COL11A2: variants seen among roughly 807,000 people sequenced by gnomAD.
COL11A2 encodes collagen type XI alpha 2 chain, also known as collagen alpha-2(XI) chain.
Under a neutral mutation model 273.4 loss-of-function variants are expected in COL11A2, and 116 were observed. The ratio of observed to expected loss-of-function variants is 0.42; its 90% CI spans 0.36 to 0.49. The LOEUF (loss-of-function observed/expected upper bound fraction) is 0.49. Among genes scored for constraint, COL11A2 ranks in the 20% least tolerant of loss-of-function variants. The pLI, the probability that COL11A2 is intolerant of heterozygous loss-of-function variation, is 0.00. For missense variants in COL11A2, 1,866 were observed against 2,309.0 expected (o/e 0.81, Z 3.93); for synonymous variants, 782 against 864.2 (o/e 0.90, Z 1.67).
rs768552985 is a variant in COL11A2 at position 33,180,933 on chromosome 6, A to C, written c.1221+31T>G. 1.9e-6 allele frequency: 3 copies of C among 1,613,686 alleles called. No homozygotes were observed. The South Asian group carries it at 3.3e-5, about 18-fold the overall frequency. Reference sequence around the variant, plus strand: ...GCACATAGAAGGGGTTTCTAAGAAAAGAATGGCCACCAGGTCACTGCTAGA... The same window carrying C: ...GCACATAGAAGGGGTTTCTAAGAAACGAATGGCCACCAGGTCACTGCTAGA... On this transcript the variant is annotated intron_variant, in intron 10 of 65. Transcript: ENST00000341947.
chr6:33,186,430 G>A, intron 5 of COL11A2, 197 bp downstream of exon 5: 1 of 1,440,310 alleles, frequency 6.9e-7, no homozygotes, highest in South Asian at 1.5e-5. Context: ...AGGGAACACA[G>A]CTCCCAGCCA....
At position 33,173,481 on chromosome 6, in the gene COL11A2, C is replaced by G; in HGVS notation, c.2682+21G>C. ...AAGGACTCAGAGAAGCGAGGTGGGT[C>G]AGAGCTCGGGGTCAACTTACCGGGG... On this transcript the variant is annotated intron_variant, in intron 36 of 65. Transcript: ENST00000341947. This position sits in a 1 kb window ranked among gnomAD's most constrained non-coding sequence, Gnocchi z 6.3. The G allele has an allele frequency of 6.2e-7, 1 of 1,611,964 alleles. No homozygotes were observed. The highest frequency in any genetic ancestry group is 8.5e-7 in the Non-Finnish European group (1 of 1,179,494).
chr6:33,186,868 G>C (rs759814138), intron 4 of COL11A2, 50 bp from the exon 5 acceptor site: 10 of 1,610,908 alleles, frequency 6.2e-6, no homozygotes, highest in Non-Finnish European at 8.5e-6. Context: ...GAGAGGCAGA[G>C]GGTATCATCC....
In COL11A2 at chr6:33,168,508, A is replaced by G; in HGVS notation, c.3960+11T>C. Reference sequence around the variant, plus strand: ...CTGCCTCCCAAGGTCTCAGGGGTCCACCTCACTTACTCGCTTTCCAAGTGG... The same window carrying G: ...CTGCCTCCCAAGGTCTCAGGGGTCCGCCTCACTTACTCGCTTTCCAAGTGG... On this transcript the variant is annotated intron_variant, in intron 54 of 65. Transcript: ENST00000341947. The G allele has an allele frequency of 6.2e-7, 1 of 1,613,186 alleles. No individual in the cohort carries two copies. Among genetic ancestry groups the G allele is most frequent in the Non-Finnish European group, 8.5e-7 (1 of 1,179,820 alleles).
At position 33,164,936 on chromosome 6, in the gene COL11A2, G is replaced by A; in HGVS notation, c.4779C>T (p.Gly1593=). 6.3e-7 allele frequency: 1 copy of A among 1,579,260 alleles called. No individual in the cohort carries two copies. Among genetic ancestry groups the A allele is most frequent in the African/African-American group, 1.3e-5 (1 of 74,390 alleles). The change falls in exon 64 of 66, where the codon GGC becomes GGT. Residue 1593 remains glycine, a synonymous_variant. Coordinates refer to ENST00000341947, the MANE Select transcript of COL11A2 (RefSeq NM_080680.3). The surrounding 1 kb of genome is among the most constrained non-coding windows in gnomAD (Gnocchi z 4.7). ...DGEYWVDPNQ[G]CARDAFRVFC... is the part of the protein sequence containing the mutation. ...AAACTCGGAAGGCATCCCGAGCACAGCCCTGGTTGGGGTCGACCCAGTACT... is the reference window on the plus strand; with the variant it reads ...AAACTCGGAAGGCATCCCGAGCACAACCCTGGTTGGGGTCGACCCAGTACT...
At chr6:33,183,328 G>T (rs551558941) in intron 8 of COL11A2, among the ~76,000 whole-genome samples, 1 of 152,288 alleles carries the variant, frequency 6.6e-6, no homozygotes, top group Admixed American at 6.5e-5. Context: ...GAGGATCCAG[G>T]AAGTGAACCT....
Position 33,176,661 on chromosome 6 carries a change from T to G in COL11A2, c.2115+60A>C, listed in dbSNP as rs568602424. On this transcript the variant is annotated intron_variant, in intron 26 of 65. Coordinates refer to ENST00000341947, the MANE Select transcript of COL11A2 (RefSeq NM_080680.3). The surrounding 1 kb of genome is among the most constrained non-coding windows in gnomAD (Gnocchi z 4.9). ...ATGAGACAAGGGAATCCCAAGGACT[T>G]TGAGGCTCTAGAGTCTGAGTGGAGA... 1.0e-4 allele frequency: 154 copies of G among 1,546,940 alleles called. No homozygotes were observed. The highest frequency in any genetic ancestry group is 1.3e-4 in the Non-Finnish European group (147 of 1,125,016).
intron 4 of COL11A2, among the ~76,000 whole-genome samples, chr6:33,187,205 A>G (rs565364832): frequency 1.3e-5 from 2 of 152,286 alleles, no homozygotes; most frequent in South Asian, 2.1e-4. Flanking sequence ...GCTTCCAGAG[A>G]CAGGGCTCAG....
rs1333213346 is a variant in COL11A2 at position 33,164,429 on chromosome 6, C to T, written c.4908G>A (p.Gln1636=). ...CGCTGAGCAGCCGCAGGAAGGTGAG[C>T]TGGACCACACCCACTGGGGAGCCCT... The part of the protein sequence containing the change: ...DSEGSPVGVV[Q]LTFLRLLSVS... The change falls in exon 65 of 66, where the codon CAG becomes CAA. Residue 1636 remains glutamine (Q), a synonymous_variant. Coordinates refer to ENST00000341947, the MANE Select transcript of COL11A2 (RefSeq NM_080680.3). The surrounding 1 kb of genome is among the most constrained non-coding windows in gnomAD (Gnocchi z 4.7). 1.3e-6 allele frequency: 2 copies of T among 1,589,504 alleles called. No homozygotes were observed. The highest frequency in any genetic ancestry group is 1.8e-5 in the Admixed American group (1 of 56,680).
At chr6:33,174,606 G>A (rs368401754) in intron 30 of COL11A2, 26 bp from the exon 31 acceptor site, 31 of 1,609,676 alleles carry the variant, frequency 1.9e-5, no homozygotes, top group Non-Finnish European at 3.4e-6. Context: ...AAGCAGTTAG[G>A]AGTGAGAGGA....
Position 33,179,650 on chromosome 6 carries a change from C to T in COL11A2, c.1446+69G>A. ...ACCAACCCAGGCCTCCCCTGCCGCA[C>T]ACTCACTCCAGCCAACCCTTCCAGT... On this transcript the variant is annotated intron_variant, in intron 13 of 65. Coordinates refer to ENST00000341947, the MANE Select transcript of COL11A2 (RefSeq NM_080680.3). The surrounding 1 kb of genome is among the most constrained non-coding windows in gnomAD (Gnocchi z 6.4). 1.3e-6 allele frequency: 2 copies of T among 1,577,650 alleles called. No homozygotes were observed. Among genetic ancestry groups the T allele is most frequent in the Non-Finnish European group, 1.7e-6 (2 of 1,154,722 alleles).
chr6:33,174,128 C>A (rs1483297918), intron 32 of COL11A2, 37 bp downstream of exon 32: 1 of 1,606,774 alleles, frequency 6.2e-7, no homozygotes, highest in Admixed American at 1.7e-5. Context: ...ACCTCTCCAG[C>A]CCTTCCCTTC....
At chr6:33,180,497 A>G (rs528777568) in intron 11 of COL11A2, among the ~76,000 whole-genome samples, 165 bp from the exon 12 acceptor site, 4 of 152,176 alleles carry the variant, frequency 2.6e-5, no homozygotes, top group Non-Finnish European at 5.9e-5. Flanking sequence ...AAACCAGATC[A>G]GCACCCTCCC....
In COL11A2 at chr6:33,162,722, A is replaced by G. The variant is rs1768526254; in HGVS notation, c.*956T>C. The G allele has an allele frequency of 6.5e-6, 1 of 153,020 alleles. No individual in the cohort carries two copies. The allele number at this position is 153,020 out of a possible 1,614,324, so 9.5% of individuals were successfully genotyped here. On this transcript the variant is annotated 3_prime_UTR_variant, in exon 66 of 66. Coordinates refer to ENST00000341947, the MANE Select transcript of COL11A2 (RefSeq NM_080680.3). The surrounding 1 kb of genome is among the most constrained non-coding windows in gnomAD (Gnocchi z 4.9). ...GAGGAGACAATCACATTATTTAACC[A>G]TCAGTCAGCATGGAAGCTGGGCACA...
At position 33,173,642 on chromosome 6, in the gene COL11A2, C is replaced by T; in HGVS notation, c.2628+59G>A. ...CTTCCTTCCTGGGGTGAGGAGGGAG[C>T]TGGCTCACCCAGGCTCCCTGGGGAC... On this transcript the variant is annotated intron_variant, in intron 35 of 65. Transcript: ENST00000341947. The surrounding 1 kb of genome is among the most constrained non-coding windows in gnomAD (Gnocchi z 6.3). 6.6e-7 allele frequency: 1 copy of T among 1,512,912 alleles called. No individual in the cohort carries two copies. Among genetic ancestry groups the T allele is most frequent in the Non-Finnish European group, 9.1e-7 (1 of 1,099,388 alleles). The allele number at this position is 1,512,912 out of a possible 1,614,324, so 93.7% of individuals were successfully genotyped here. A position where few individuals can be genotyped will look rare whatever the true frequency, so the allele number is the denominator to read the frequency against.
chr6:33,187,591 T>C lies in COL11A2; in HGVS notation c.606+771A>G, dbSNP rs531510418. Among the ~76,000 whole-genome samples the C allele has an allele frequency of 4.6e-3, 692 of 151,968 alleles. 2 individuals are homozygous for C. Among genetic ancestry groups the C allele is most frequent in the African/African-American group, 0.016 (657 of 41,410 alleles). On this transcript the variant is annotated intron_variant, in intron 4 of 65. Coordinates refer to ENST00000341947, the MANE Select transcript of COL11A2 (RefSeq NM_080680.3). ...AATGAATGGGAGCATTGATAAATAG[T>C]GAATGAATAAATGTACGTATGGGAG...
intron 8 of COL11A2, among the ~76,000 whole-genome samples, chr6:33,181,483 CT>C (rs993073250): frequency 3.3e-5 from 5 of 151,110 alleles, no homozygotes; most frequent in Non-Finnish European, 7.4e-5. Flanking sequence ...GTTTGTTTTT[CT>C]TTTTTTTTGA....
chr6:33,168,520 C>A lies in COL11A2; in HGVS notation c.3959G>T (p.Arg1320Leu), dbSNP rs372143434. 8 of 1,613,542 alleles carry A rather than the reference C, an allele frequency of 5.0e-6. No homozygotes were observed. Among genetic ancestry groups the A allele is most frequent in the Non-Finnish European group, 6.8e-6 (8 of 1,179,910 alleles). The part of the protein sequence containing the change: ...ENGPPGPLGK[R>L]GPAGSPGSEG... ...GTCTCAGGGGTCCACCTCACTTACTCGCTTTCCAAGTGGCCCTGGGGGTCC... is the reference window on the plus strand; with the variant it reads ...GTCTCAGGGGTCCACCTCACTTACTAGCTTTCCAAGTGGCCCTGGGGGTCC... The change falls in exon 54 of 66, where the codon CGA becomes CTA. Residue 1320 changes from arginine to leucine, a missense_variant and splice_region_variant. Transcript: ENST00000341947.
intron 8 of COL11A2, among the ~76,000 whole-genome samples, chr6:33,182,179 C>A (rs939593793): frequency 6.6e-6 from 1 of 151,950 alleles, no homozygotes; most frequent in African/African-American, 2.4e-5. Flanking sequence ...GAGGCTGAAG[C>A]AGGAGAATAG....
Sources: allele counts gnomAD v4.1 joint callset (sites outside exome capture counted in the v4.1 genomes callset), GRCh38; gene constraint gnomAD v4.1.1; non-coding constraint Gnocchi (gnomAD v3.1); transcripts MANE v1.5; gene names NCBI Gene and HGNC (gene_info 2026-07-23, HGNC 2026-07-21).